ABTB2: variants seen among roughly 807,000 people sequenced by gnomAD.
ABTB2 encodes the protein ankyrin repeat and BTB domain containing 2.
ABTB2 carries 56 observed loss-of-function variants against 104.1 expected under a neutral mutation model. The observed-to-expected ratio is 0.54, with a 90% CI of 0.43 to 0.67. The LOEUF is 0.67. ABTB2 is among the 30% of genes least tolerant of loss of function. The pLI is 0.00. For synonymous variants in ABTB2, 606 were observed against 608.2 expected (o/e 1.00, Z 0.05); for missense variants, 1,279 against 1,407.7 (o/e 0.91, Z 1.46).
chr11:34,167,498 G>A (rs1852817521), intron 6 of ABTB2, 138 bp from the exon 7 acceptor site: 4 of 768,262 alleles, frequency 5.2e-6, no homozygotes, highest in Middle Eastern at 2.6e-4. Context: ...AGTGGACAAG[G>A]CTCAAAAAGA....
chr11:34,163,854 A>T (rs1852756708), intron 9 of ABTB2, among the ~76,000 whole-genome samples: 1 of 152,100 alleles, frequency 6.6e-6, no homozygotes, highest in Admixed American at 6.6e-5. Flanking sequence ...GCAGGCAGGC[A>T]GTCTCCACGC....
intron 1 of ABTB2, among the ~76,000 whole-genome samples, chr11:34,310,592 C>T (rs1009585130): frequency 2.6e-5 from 4 of 152,132 alleles, no homozygotes; most frequent in African/African-American, 9.7e-5. Flanking sequence ...TGCATCCCTC[C>T]AGCCTTTAAG....
At chr11:34,318,245 T>A (rs1476646243) in intron 1 of ABTB2, among the ~76,000 whole-genome samples, 1 of 152,174 alleles carries the variant, frequency 6.6e-6, no homozygotes, top group African/African-American at 2.4e-5. Flanking sequence ...CTGGGATTTA[T>A]AGGCATGAGT....
At chr11:34,229,013 G>A (rs960825576) in intron 1 of ABTB2, among the ~76,000 whole-genome samples, 5 of 151,394 alleles carry the variant, frequency 3.3e-5, no homozygotes, top group African/African-American at 1.2e-4. Flanking sequence ...CAGCTACTCG[G>A]GAGGCTGAGG....
chr11:34,208,660 T>C (rs1427187703), intron 1 of ABTB2, among the ~76,000 whole-genome samples: 1 of 151,940 alleles, frequency 6.6e-6, no homozygotes, highest in African/African-American at 2.4e-5. Flanking sequence ...AATCTCAGAC[T>C]CATTACCTTG....
chr11:34,346,824 G>T (rs1855337971), intron 1 of ABTB2, among the ~76,000 whole-genome samples: 2 of 152,184 alleles, frequency 1.3e-5, no homozygotes, highest in African/African-American at 4.8e-5. Flanking sequence ...CTCTGTACTG[G>T]ATTGTTCCGG....
intron 2 of ABTB2, among the ~76,000 whole-genome samples, chr11:34,198,463 A>C (rs1199274060): frequency 6.8e-6 from 1 of 147,756 alleles, no homozygotes; most frequent in East Asian, 1.9e-4. Context: ...ACAAAAAAAA[A>C]CAAAAACTTG....
At chr11:34,350,908 T>C (rs1855390875) in intron 1 of ABTB2, among the ~76,000 whole-genome samples, 1 of 152,178 alleles carries the variant, frequency 6.6e-6, no homozygotes, top group Non-Finnish European at 1.5e-5. Flanking sequence ...TCTGGACTCA[T>C]GGAGACCTCT....
chr11:34,187,094 A>G (rs1363480453), intron 3 of ABTB2, among the ~76,000 whole-genome samples: 2 of 152,210 alleles, frequency 1.3e-5, no homozygotes, highest in African/African-American at 4.8e-5. Flanking sequence ...TCTGCTCGCT[A>G]TAAATGGGAA....
intron 1 of ABTB2, 62 bp from the exon 2 acceptor site, chr11:34,204,752 G>C: frequency 6.5e-7 from 1 of 1,546,784 alleles, no homozygotes; most frequent in Non-Finnish European, 8.8e-7. Context: ...GTGGGCCCCA[G>C]CCTGCTGCAG....
At position 34,357,212 on chromosome 11, in the gene ABTB2, C is replaced by A. The variant is rs1186361302; in HGVS notation, c.372G>T (p.Ala124=). The change falls in exon 1 of 17, where the codon GCG becomes GCT. Residue 124 remains alanine, a synonymous_variant. Coordinates refer to ENST00000435224, the MANE Select transcript of ABTB2 (RefSeq NM_145804.3). ...GRRLPQFSAE[A]VRRLAGLLRR... is the part of the protein sequence containing the mutation. ...GGAGCAGCCCGGCCAGGCGCCTCAC[C>A]GCCTCGGCGGAGAACTGGGGCAGCC... 3 of 1,509,598 alleles carry A rather than the reference C, an allele frequency of 2.0e-6. No homozygotes were observed. The highest frequency in any genetic ancestry group is 1.9e-4 in the Middle Eastern group (1 of 5,292). The allele number at this position is 1,509,598 out of a possible 1,614,324, so 93.5% of individuals were successfully genotyped here. A position where few individuals can be genotyped will look rare whatever the true frequency, so the allele number is the denominator to read the frequency against.
intron 1 of ABTB2, among the ~76,000 whole-genome samples, chr11:34,277,022 C>T (rs960638336): frequency 2.0e-5 from 3 of 152,186 alleles, no homozygotes; most frequent in Admixed American, 6.5e-5. Flanking sequence ...CTGCCTCAGC[C>T]TTCTGAGTAG....
At chr11:34,341,171 T>G (rs1184507971) in intron 1 of ABTB2, among the ~76,000 whole-genome samples, 1 of 152,256 alleles carries the variant, frequency 6.6e-6, no homozygotes. Context: ...TTATTTTGTT[T>G]AAATAGTCAC....
Position 34,154,858 on chromosome 11 carries a change from G to T in ABTB2, c.2698-89C>A. 1 of 1,249,204 alleles carries T rather than the reference G, an allele frequency of 8.0e-7. No individual in the cohort carries two copies. The highest frequency in any genetic ancestry group is 1.2e-6 in the Non-Finnish European group (1 of 864,932). The allele number at this position is 1,249,204 out of a possible 1,614,324, so 77.4% of individuals were successfully genotyped here. On this transcript the variant is annotated intron_variant, in intron 14 of 16. Coordinates refer to ENST00000435224, the MANE Select transcript of ABTB2 (RefSeq NM_145804.3). This position sits in a 1 kb window ranked among gnomAD's most constrained non-coding sequence, Gnocchi z 4.9. ...CCCACAGGGTACTGCTCCAGCTGCC[G>T]CCTCCAGGGGCCTGTCCCTCTGCAG...
rs1852599063 is a variant in ABTB2, at chr11:34,154,813, G to A, written c.2698-44C>T. 8 of 1,603,918 alleles carry A rather than the reference G, an allele frequency of 5.0e-6. No homozygotes were observed. Among genetic ancestry groups the A allele is most frequent in the Non-Finnish European group, 6.8e-6 (8 of 1,171,476 alleles). On this transcript the variant is annotated intron_variant, in intron 14 of 16. Coordinates refer to ENST00000435224, the MANE Select transcript of ABTB2 (RefSeq NM_145804.3). This position sits in a 1 kb window ranked among gnomAD's most constrained non-coding sequence, Gnocchi z 4.9. ...CATGTGAATGCCACGTGAACCTGAG[G>A]CATGAAAGTCCTTGCCAGCCCCACA...
chr11:34,283,613 A>G (rs1048994822), intron 1 of ABTB2, among the ~76,000 whole-genome samples: 3 of 152,228 alleles, frequency 2.0e-5, no homozygotes, highest in Non-Finnish European at 4.4e-5. Flanking sequence ...CTAAGCTTCA[A>G]AGTTCCAAAT....
intron 16 of ABTB2, among the ~76,000 whole-genome samples, chr11:34,153,643 C>A (rs1277170803): frequency 1.3e-5 from 2 of 152,180 alleles, no homozygotes; most frequent in Non-Finnish European, 2.9e-5. Context: ...TGTGCCTGGC[C>A]ATGGTTTTTG....
At chr11:34,298,319 CT>C (rs1435640728) in intron 1 of ABTB2, among the ~76,000 whole-genome samples, 3 of 152,004 alleles carry the variant, frequency 2.0e-5, no homozygotes, top group East Asian at 3.9e-4. Flanking sequence ...ATGGCATAGC[CT>C]TAGCATAAAA....
intron 1 of ABTB2, among the ~76,000 whole-genome samples, chr11:34,263,325 G>T (rs117907997): frequency 6.6e-6 from 1 of 152,202 alleles, no homozygotes; most frequent in Non-Finnish European, 1.5e-5. Context: ...ATTAACAAAG[G>T]CTCTGTGGGG....
Sources: gnomAD v4.1 joint callset for allele counts (sites outside exome capture counted in the v4.1 genomes callset) on GRCh38, gnomAD v4.1.1 for gene constraint, Gnocchi (gnomAD v3.1) non-coding constraint, MANE v1.5 for transcripts, NCBI Gene and HGNC (gene_info 2026-07-23, HGNC 2026-07-21) for gene names.